SREK1: variants seen among roughly 807,000 people sequenced by gnomAD.
The protein encoded by SREK1 is splicing regulatory glutamine/lysine-rich protein 1.
SREK1 carries 13 observed loss-of-function variants against 66.5 expected under a neutral mutation model. The observed-to-expected ratio is 0.20, with a 90% CI of 0.13 to 0.31. The LOEUF (loss-of-function observed/expected upper bound fraction) is 0.31. SREK1 is among the 10% of genes least tolerant of loss of function. The probability of loss-of-function intolerance (pLI) is 1.00; values close to 1 mark genes in which losing one functional copy is unlikely to be tolerated. For missense variants in SREK1, 607 were observed against 769.6 expected, an observed-to-expected ratio of 0.79 and a Z score of 2.50; for synonymous variants, 265 against 263.5, an observed-to-expected ratio of 1.01 and a Z score of -0.05.
rs1312342765 is a variant in SREK1 at position 66,180,984 on chromosome 5, T to G, written c.*2116T>G. 1.3e-5 allele frequency: 2 copies of G among 152,258 alleles called. No homozygotes were observed. Among genetic ancestry groups the G allele is most frequent in the African/African-American group, 4.8e-5 (2 of 41,474 alleles). The allele number at this position is 152,258 out of a possible 1,614,324, so 9.4% of individuals were successfully genotyped here. A position where few individuals can be genotyped will look rare whatever the true frequency, so the allele number is the denominator to read the frequency against. ...GTGACGTGGAGAGTGCATGTTTGTG[T>G]GGTGTCTATAAAACAAGTCATTTAA... On this transcript the variant is annotated 3_prime_UTR_variant, in exon 12 of 12. Coordinates refer to ENST00000334121, the MANE Select transcript of SREK1 (RefSeq NM_001077199.3).
At chr5:66,176,200 T>C (rs1746039502) in intron 10 of SREK1, among the ~76,000 whole-genome samples, 1 of 152,138 alleles carries the variant, frequency 6.6e-6, no homozygotes, top group African/African-American at 2.4e-5. Context: ...TAACATTAGT[T>C]TGATATGTTG....
chr5:66,149,443 A>G (rs546366189), intron 1 of SREK1, among the ~76,000 whole-genome samples: 5 of 152,216 alleles, frequency 3.3e-5, no homozygotes, highest in Non-Finnish European at 5.9e-5. Context: ...GCTGTTCAGA[A>G]CAGACCAACA....
At chr5:66,144,571 G>C in intron 1 of SREK1, 34 bp downstream of exon 1, 1 of 1,533,870 alleles carries the variant, frequency 6.5e-7, no homozygotes, top group Non-Finnish European at 8.8e-7. Context: ...GGAGGGGCGC[G>C]GGCGCCATAG....
chr5:66,162,571 T>C lies in SREK1; in HGVS notation c.734T>C (p.Met245Thr). 3 of 1,612,448 alleles carry C rather than the reference T, an allele frequency of 1.9e-6. No individual in the cohort carries two copies. Among genetic ancestry groups the C allele is most frequent in the Non-Finnish European group, 2.5e-6 (3 of 1,179,052 alleles). ...VPRALAFNGV[M>T]FGDRPLKINH... The stretch of plus-strand genomic sequence containing the variant: ...AGGGCCCTTGCTTTTAATGGAGTTA[T>C]GTTTGGAGACAGGCCACTGAAGTAA... Residue 245 changes from methionine (M) to threonine (T), a missense_variant, in exon 5 of 12, where the codon ATG becomes ACG. Met to Thr is a moderately conservative substitution (Grantham distance 81). Coordinates refer to ENST00000334121, the MANE Select transcript of SREK1 (RefSeq NM_001077199.3).
rs151189503 is a variant in SREK1 at position 66,152,403 on chromosome 5, ATTTAATAGTAT to A, written c.162-1059_162-1049del. ...ACGGCTAATGTTTGTGGAATTGCTA[ATTTAATAGTAT>A]GTCAGAATGGTTTAAAGATTCTTGA... On this transcript the variant is annotated intron_variant, in intron 1 of 11. Transcript: ENST00000334121. 9.6e-3 allele frequency among the ~76,000 whole-genome samples: 1,462 copies of A among 152,318 alleles called. 19 individuals are homozygous for A. The highest frequency in any genetic ancestry group is 0.033 in the African/African-American group (1,379 of 41,562).
In SREK1 at chr5:66,160,659, A is replaced by G. The variant is rs927876859; in HGVS notation, c.411+1325A>G. Among the ~76,000 whole-genome samples the G allele has an allele frequency of 3.9e-5, 6 of 152,172 alleles. No individual in the cohort carries two copies. The East Asian group carries it at 1.2e-3, about 29-fold the overall frequency. On this transcript the variant is annotated intron_variant, in intron 3 of 11. Transcript: ENST00000334121. ...GGGTTTTAAGCAGGGATATGACATG[A>G]TTTGACATGTTTTAAAAAGATCAGA... is the stretch of plus-strand genomic sequence containing the variant.
chr5:66,162,779 A>C, intron 5 of SREK1, 187 bp downstream of exon 5: 1 of 525,286 alleles, frequency 1.9e-6, no homozygotes, highest in Non-Finnish European at 3.2e-6. Context: ...TTATTTAGAG[A>C]CATTTATTTT....
intron 3 of SREK1, 96 bp downstream of exon 3, chr5:66,159,430 CTTTTT>C (rs34136434): frequency 4.9e-5 from 31 of 626,610 alleles, no homozygotes; most frequent in Non-Finnish European, 6.5e-5. Flanking sequence ...GGATCTTCTT[CTTTTT>C]TTTTTTTTTA....
At chr5:66,151,267 A>G (rs1217978944) in intron 1 of SREK1, among the ~76,000 whole-genome samples, 1 of 152,208 alleles carries the variant, frequency 6.6e-6, no homozygotes, top group Non-Finnish European at 1.5e-5. Context: ...GGTGGAGGAA[A>G]AGAGTCAAAC....
chr5:66,146,529 G>A lies in SREK1; in HGVS notation c.161+1992G>A, dbSNP rs76154556. ...TATTTCACAAACTGTAACACATTAA[G>A]CAAAATTGTTGCATACGTGTAATAT... On this transcript the variant is annotated intron_variant, in intron 1 of 11. Transcript: ENST00000334121. 8.6e-3 allele frequency among the ~76,000 whole-genome samples: 1,304 copies of A among 152,112 alleles called. 15 individuals carry two copies. The highest frequency in any genetic ancestry group is 0.027 in the African/African-American group (1,111 of 41,482).
intron 6 of SREK1, 29 bp downstream of exon 6, chr5:66,163,951 A>T (rs769957784): frequency 6.2e-7 from 1 of 1,604,790 alleles, no homozygotes; most frequent in East Asian, 2.2e-5. Context: ...TACATAGGTC[A>T]TAGTTTAAAG....
In SREK1 at chr5:66,177,501, A is replaced by C; in HGVS notation, c.1581-13A>C. On this transcript the variant is annotated splice_polypyrimidine_tract_variant and intron_variant, in intron 10 of 11. Transcript: ENST00000334121. ...TTTCTTAGAATTTAACTGACATATC[A>C]ATATTCTTATAGCAGAAATAAGAAG... 1.3e-6 allele frequency: 2 copies of C among 1,554,778 alleles called. No individual in the cohort carries two copies.
chr5:66,151,124 A>T (rs1372879745), intron 1 of SREK1, among the ~76,000 whole-genome samples: 2 of 152,132 alleles, frequency 1.3e-5, no homozygotes, highest in Admixed American at 6.5e-5. Context: ...TACAGGCATG[A>T]GCCACCCTGC....
intron 3 of SREK1, 136 bp from the exon 4 acceptor site, chr5:66,161,973 A>G (rs1744809787): frequency 2.3e-6 from 2 of 884,466 alleles, no homozygotes; most frequent in South Asian, 2.1e-5. Context: ...AGACATATAT[A>G]TGACTGAAAG....
In SREK1 at chr5:66,163,918, ACCAGGTAAG is replaced by A; in HGVS notation, c.883_886+5del. 6.2e-7 allele frequency: 1 copy of A among 1,613,498 alleles called. No individual in the cohort carries two copies. Among genetic ancestry groups the A allele is most frequent in the Non-Finnish European group, 8.5e-7 (1 of 1,179,492 alleles). On this transcript the variant is annotated splice_donor_variant and splice_donor_5th_base_variant and coding_sequence_variant and intron_variant, in exon 6 of 12. Coordinates refer to ENST00000334121, the MANE Select transcript of SREK1 (RefSeq NM_001077199.3). LOFTEE classifies it high-confidence loss of function. The stretch of plus-strand genomic sequence containing the variant: ...AGTCATTTATCTCAGCAGCTATTGA[ACCAGGTAAG>A]TACATAACGTTGTTACATAGGTCAT...
intron 4 of SREK1, 37 bp downstream of exon 4, chr5:66,162,310 C>T: frequency 3.1e-6 from 5 of 1,609,230 alleles, no homozygotes; most frequent in Middle Eastern, 1.7e-4. Flanking sequence ...AGCAGTAGCC[C>T]TTATTCTTTT....
intron 3 of SREK1, among the ~76,000 whole-genome samples, chr5:66,159,903 G>A (rs1171445742): frequency 6.6e-6 from 1 of 152,214 alleles, no homozygotes; most frequent in Admixed American, 6.5e-5. Context: ...GGCCGAGGCA[G>A]GTGGATCATG....
chr5:66,163,600 C>T (rs1416561858), intron 5 of SREK1, 192 bp from the exon 6 acceptor site: 4 of 449,298 alleles, frequency 8.9e-6, no homozygotes, highest in African/African-American at 6.1e-5. Flanking sequence ...TGGTTGTATT[C>T]GCAAGGAATG....
At chr5:66,178,646 T>G in intron 11 of SREK1, 73 bp from the exon 12 acceptor site, 1 of 1,397,758 alleles carries the variant, frequency 7.2e-7, no homozygotes, top group South Asian at 1.8e-5. Flanking sequence ...AAGATAAAGT[T>G]TCACATTTTT....
Sources: gnomAD v4.1 joint callset for allele counts (sites outside exome capture counted in the v4.1 genomes callset) on GRCh38, gnomAD v4.1.1 for gene constraint, MANE v1.5 for transcripts, NCBI Gene and HGNC (gene_info 2026-07-23, HGNC 2026-07-21) for gene names.